Variants in EPB41L1 observed in about 807,000 individuals in gnomAD.
EPB41L1 encodes the protein band 4.1-like protein 1.
Under a neutral mutation model 97.8 loss-of-function variants are expected in EPB41L1, and 29 were observed. The observed-to-expected ratio is 0.30, with a 90% CI of 0.22 to 0.40. The LOEUF is 0.40. EPB41L1 is among the 10% of genes least tolerant of loss of function. EPB41L1 has a pLI of 1.00. For synonymous variants in EPB41L1, 383 were observed against 459.2 expected (o/e 0.83, Z 2.12); for missense variants, 812 against 1,162.3 (o/e 0.70, Z 4.38).
At chr20:36,163,441 T>G (rs2060612733) in intron 1 of EPB41L1, among the ~76,000 whole-genome samples, 1 of 152,210 alleles carries the variant, frequency 6.6e-6, no homozygotes, top group African/African-American at 2.4e-5. Context: ...ACAAAGAGGT[T>G]AAGGGGCTTC....
At chr20:36,211,860 A>T (rs1020494534) in intron 15 of EPB41L1, among the ~76,000 whole-genome samples, 1 of 152,188 alleles carries the variant, frequency 6.6e-6, no homozygotes, top group African/African-American at 2.4e-5. Flanking sequence ...TCTCAAGAAA[A>T]AAAATAGAAG....
chr20:36,121,331 A>G (rs1400239323), intron 2 of EPB41L1, among the ~76,000 whole-genome samples: 2 of 152,158 alleles, frequency 1.3e-5, no homozygotes, highest in Non-Finnish European at 2.9e-5. Context: ...AGGGGTAGTG[A>G]CAAAGATGTC....
chr20:36,098,886 C>T (rs1475995739), intron 1 of EPB41L1, among the ~76,000 whole-genome samples: 2 of 151,958 alleles, frequency 1.3e-5, no homozygotes, highest in African/African-American at 2.4e-5. Context: ...TTTGGGAGGC[C>T]GAGGTGGGCA....
In EPB41L1 at chr20:36,190,373, C is replaced by T. The variant is rs758635781; in HGVS notation, c.1123C>T (p.Arg375Trp). ...KVCIEHHTFF[R>W]LVSPEPPPKG... ...CTGCATCGAGCATCATACATTCTTC[C>T]GGTGAGCCTGACCTTGGATGGGGTA... Residue 375 changes from arginine (R) to tryptophan (W), a missense_variant and splice_region_variant, in exon 10 of 22, where the codon CGG (arginine) becomes TGG (tryptophan). By Grantham distance (101) the Arg-to-Trp change is moderately radical. Coordinates refer to ENST00000338074, the MANE Select transcript of EPB41L1 (RefSeq NM_012156.2). This position sits in a 1 kb window ranked among gnomAD's most constrained non-coding sequence, Gnocchi z 5.8. 1.9e-6 allele frequency: 3 copies of T among 1,613,886 alleles called. No individual in the cohort carries two copies. The highest frequency in any genetic ancestry group is 8.5e-7 in the Non-Finnish European group (1 of 1,179,938).
At chr20:36,148,759 C>T (rs1162835436) in intron 2 of EPB41L1, 1 of 152,330 alleles carries the variant, frequency 6.6e-6, no homozygotes, top group African/African-American at 2.4e-5. Flanking sequence ...GGGGGCTTGG[C>T]TGTGGGTATA....
chr20:36,185,379 T>C (rs886208909), intron 7 of EPB41L1, 44 bp downstream of exon 7: 1 of 1,566,638 alleles, frequency 6.4e-7, no homozygotes, highest in Middle Eastern at 2.2e-4. Flanking sequence ...CCTTGGCCAG[T>C]GGGAGCCTTC....
At chr20:36,175,180 T>G (rs1037579680) in intron 2 of EPB41L1, among the ~76,000 whole-genome samples, 1 of 152,122 alleles carries the variant, frequency 6.6e-6, no homozygotes, top group Non-Finnish European at 1.5e-5. Flanking sequence ...CTAGATCCAG[T>G]GACAGACAAA....
intron 2 of EPB41L1, among the ~76,000 whole-genome samples, chr20:36,143,915 C>T (rs1005168831): frequency 7.3e-5 from 11 of 151,574 alleles, no homozygotes; most frequent in African/African-American, 2.4e-4. Context: ...TGCAGTGGCG[C>T]GATTTTGGCT....
intron 21 of EPB41L1, among the ~76,000 whole-genome samples, chr20:36,223,937 C>G (rs935915661): frequency 1.3e-5 from 2 of 152,172 alleles, no homozygotes; most frequent in East Asian, 3.8e-4. Context: ...AATTGCTGGT[C>G]TCCTTTTTGC....
chr20:36,138,736 CAA>C (rs2059515533), intron 2 of EPB41L1, among the ~76,000 whole-genome samples: 2 of 152,320 alleles, frequency 1.3e-5, no homozygotes, highest in South Asian at 4.1e-4. Context: ...GTTATTTGCT[CAA>C]AGTCTCACAG....
At position 36,229,446 on chromosome 20, in the gene EPB41L1, C is replaced by G; in HGVS notation, c.*106C>G. The G allele has an allele frequency of 2.8e-6, 3 of 1,056,916 alleles. No homozygotes were observed. Among genetic ancestry groups the G allele is most frequent in the Non-Finnish European group, 4.5e-6 (3 of 673,762 alleles). The allele number at this position is 1,056,916 out of a possible 1,614,324, so 65.5% of individuals were successfully genotyped here. A position where few individuals can be genotyped will look rare whatever the true frequency, so the allele number is the denominator to read the frequency against. On this transcript the variant is annotated 3_prime_UTR_variant, in exon 22 of 22. Transcript: ENST00000338074. ...CGACGCAACACTGACGTCCCAGCTG[C>G]GACGTACTGTCACTGATGAGAGACT...
At chr20:36,114,490 C>A (rs553842872) in intron 2 of EPB41L1, among the ~76,000 whole-genome samples, 60 of 152,260 alleles carry the variant, frequency 3.9e-4, no homozygotes, top group Non-Finnish European at 7.3e-4. Context: ...CTGGCTTCTG[C>A]TTGGCCCTGC....
At chr20:36,219,410 G>A (rs547251493) in intron 18 of EPB41L1, among the ~76,000 whole-genome samples, 74 of 152,258 alleles carry the variant, frequency 4.9e-4, no homozygotes, top group Middle Eastern at 3.4e-3. Context: ...GTTTAGCTCC[G>A]CAGAGAGCGT....
At chr20:36,171,423 C>T (rs1258453520) in intron 1 of EPB41L1, among the ~76,000 whole-genome samples, 1 of 152,100 alleles carries the variant, frequency 6.6e-6, no homozygotes, top group Non-Finnish European at 1.5e-5. Flanking sequence ...AGAGTAGTGG[C>T]TTGAGTGGAA....
At position 36,188,410 on chromosome 20, in the gene EPB41L1, C is replaced by T; in HGVS notation, c.937C>T (p.Arg313Trp). The T allele has an allele frequency of 1.2e-6, 2 of 1,613,932 alleles. No homozygotes were observed. Among genetic ancestry groups the T allele is most frequent in the Non-Finnish European group, 1.7e-6 (2 of 1,179,984 alleles). ...CAATGGCCTGCTCATCTACCGGGAC[C>T]GGCTGAGAATCAACCGCTTTGCCTG... ...CANGLLIYRD[R>W]LRINRFAWPK... Residue 313 changes from arginine (R) to tryptophan (W), a missense_variant, in exon 9 of 22, where the codon CGG becomes TGG. By Grantham distance (101) the Arg-to-Trp change is moderately radical. Around this residue, in one of 3 missense-constraint regions of EPB41L1, gnomAD observed 230 missense variants for 445.2 expected, o/e 0.52. Transcript: ENST00000338074.
intron 2 of EPB41L1, among the ~76,000 whole-genome samples, chr20:36,133,015 G>A (rs937329405): frequency 3.3e-5 from 5 of 152,192 alleles, no homozygotes; most frequent in East Asian, 1.9e-4. Context: ...TCTTGAAAAA[G>A]GTCCTTTCTG....
chr20:36,190,135 C>T lies in EPB41L1; in HGVS notation c.1027-142C>T. 1 of 695,614 alleles carries T rather than the reference C, an allele frequency of 1.4e-6. No homozygotes were observed. Among genetic ancestry groups the T allele is most frequent in the Non-Finnish European group, 2.5e-6 (1 of 392,412 alleles). 43.1% of individuals were successfully genotyped at this position (695,614 alleles called of 1,614,324 possible). On this transcript the variant is annotated intron_variant, in intron 9 of 21. Transcript: ENST00000338074. This position sits in a 1 kb window ranked among gnomAD's most constrained non-coding sequence, Gnocchi z 5.8. Reference sequence around the variant, plus strand: ...AGGTTACAGTGAGCTATGATTGCGCCACTGTACTCCACCCTGGGCAAATGA... The same window carrying T: ...AGGTTACAGTGAGCTATGATTGCGCTACTGTACTCCACCCTGGGCAAATGA...
Position 36,204,471 on chromosome 20 carries a change from C to CTTTTTTTTTTTTTTTTTTT in EPB41L1, c.1669-5009_1669-4991dup, listed in dbSNP as rs765673962. On this transcript the variant is annotated intron_variant, in intron 14 of 21. Transcript: ENST00000338074. The stretch of plus-strand genomic sequence containing the variant: ...GGCCTAACAGTGCTGCGATCTGGTG[C>CTTTTTTTTTTTTTTTTTTT]TTTTTTTTTTTTTTTTTTTTTTTTT... 1.2e-4 allele frequency among the ~76,000 whole-genome samples: 11 copies of CTTTTTTTTTTTTTTTTTTT among 90,602 alleles called. 2 individuals carry two copies. The highest frequency in any genetic ancestry group is 5.8e-4 in the African/African-American group (10 of 17,388). The allele number at this position is 90,602 out of a possible 152,430, so 59.4% of individuals were successfully genotyped here.
At chr20:36,103,210 G>C (rs1407783067) in intron 1 of EPB41L1, among the ~76,000 whole-genome samples, 1 of 152,190 alleles carries the variant, frequency 6.6e-6, no homozygotes, top group Non-Finnish European at 1.5e-5. Context: ...GGCTTTCACC[G>C]GGTTGTGAGC....
Sources: gnomAD v4.1 joint callset for allele counts (sites outside exome capture counted in the v4.1 genomes callset) on GRCh38, gnomAD v4.1.1 for gene constraint, gnomAD v4.1.1 regional missense constraint, Gnocchi (gnomAD v3.1) non-coding constraint, MANE v1.5 for transcripts, NCBI Gene and HGNC (gene_info 2026-07-23, HGNC 2026-07-21) for gene names.